OPCML: variants seen among roughly 807,000 people sequenced by gnomAD.
OPCML encodes opioid-binding protein/cell adhesion molecule.
OPCML carries 13 observed loss-of-function variants against 37.8 expected under a neutral mutation model. That is an observed-to-expected ratio of 0.34 (90% CI 0.22 to 0.55). The LOEUF (loss-of-function observed/expected upper bound fraction) is 0.55, where lower values mean the gene tolerates loss of function less well. Among genes scored for constraint, OPCML ranks in the 20% least tolerant of loss-of-function variants. OPCML has a pLI of 0.91. For synonymous variants in OPCML, 176 were observed against 168.8 expected (o/e 1.04, Z -0.33); for missense variants, 341 against 435.6 (o/e 0.78, Z 1.93).
At chr11:132,489,034 A>G (rs768629663) in intron 4 of OPCML, among the ~76,000 whole-genome samples, 1 of 152,238 alleles carries the variant, frequency 6.6e-6, no homozygotes, top group African/African-American at 2.4e-5. Flanking sequence ...ACTTTTTTGT[A>G]AGAATATTTA....
intron 2 of OPCML, among the ~76,000 whole-genome samples, chr11:132,756,512 C>A (rs1946053264): frequency 6.6e-6 from 1 of 152,184 alleles, no homozygotes; most frequent in Non-Finnish European, 1.5e-5. Context: ...ACTGTGTTAA[C>A]ATTTAGCACT....
At chr11:133,289,679 G>A (rs1035793689) in intron 1 of OPCML, among the ~76,000 whole-genome samples, 3 of 151,952 alleles carry the variant, frequency 2.0e-5, no homozygotes, top group Non-Finnish European at 4.4e-5. Context: ...GGCTAGTTTC[G>A]TTGTTCTTTA....
At chr11:132,420,494 C>T (rs1253422487) in intron 7 of OPCML, 1 of 606,114 alleles carries the variant, frequency 1.6e-6, no homozygotes, top group Non-Finnish European at 2.1e-6. Context: ...ACCAATGCAG[C>T]CTGCTCTGAA....
chr11:133,266,469 C>A (rs1469084352), intron 1 of OPCML, among the ~76,000 whole-genome samples: 1 of 152,190 alleles, frequency 6.6e-6, no homozygotes, highest in Admixed American at 6.5e-5. Flanking sequence ...TTCCAGAATA[C>A]ACACTGTTCT....
chr11:132,516,121 G>A (rs150401791), intron 4 of OPCML, among the ~76,000 whole-genome samples: 1,609 of 152,274 alleles, frequency 0.011, 33 homozygotes, highest in African/African-American at 0.037. Context: ...ACAGATCACC[G>A]TGTCTAGAAG....
chr11:132,727,920 G>A (rs1224068163), intron 2 of OPCML, among the ~76,000 whole-genome samples: 9 of 152,158 alleles, frequency 5.9e-5, no homozygotes. Flanking sequence ...CGCAGCTCTG[G>A]GCTTCCCCAG....
intron 2 of OPCML, among the ~76,000 whole-genome samples, chr11:132,705,607 TA>T (rs1944000677): frequency 6.6e-6 from 1 of 151,690 alleles, no homozygotes; most frequent in African/African-American, 2.4e-5. Flanking sequence ...AAATAAAAAG[TA>T]AAAATAAAAA....
intron 4 of OPCML, among the ~76,000 whole-genome samples, chr11:132,470,437 C>A (rs952977104): frequency 2.0e-5 from 3 of 152,092 alleles, no homozygotes; most frequent in African/African-American, 7.2e-5. Flanking sequence ...TGAATTAGGG[C>A]AGAAACTATG....
intron 1 of OPCML, among the ~76,000 whole-genome samples, chr11:133,160,318 A>G (rs1950124915): frequency 6.6e-6 from 1 of 152,188 alleles, no homozygotes; most frequent in Non-Finnish European, 1.5e-5. Flanking sequence ...ATAATTGAGC[A>G]CTTACTATGT....
At chr11:133,049,701 C>T (rs764898721) in intron 1 of OPCML, among the ~76,000 whole-genome samples, 16 of 152,170 alleles carry the variant, frequency 1.1e-4, no homozygotes, top group Non-Finnish European at 2.1e-4. Context: ...ATTTGTAACC[C>T]GTCACCGTGC....
chr11:132,548,010 T>C (rs1051755425), intron 3 of OPCML, among the ~76,000 whole-genome samples: 4 of 152,214 alleles, frequency 2.6e-5, no homozygotes, highest in Admixed American at 2.0e-4. Context: ...AAACTCATTA[T>C]AGTTAGACAC....
At position 133,347,539 on chromosome 11, in the gene OPCML, A is replaced by T. The variant is rs374735114; in HGVS notation, c.61+184725T>A. On this transcript the variant is annotated intron_variant, in intron 1 of 7. Coordinates refer to ENST00000524381, the MANE Select transcript of OPCML (RefSeq NM_001012393.5). ...GAAGTGTTTTTTTTCTCCTGTATCC[A>T]ATATGGAATTTACTATCCACTGAGA... is the stretch of plus-strand genomic sequence containing the variant. Among the ~76,000 whole-genome samples, 9 of 152,326 alleles carry T rather than the reference A, an allele frequency of 5.9e-5. No individual in the cohort carries two copies. The East Asian group carries it at 1.7e-3, about 29-fold the overall frequency.
At chr11:132,874,232 A>T (rs1422084255) in intron 2 of OPCML, among the ~76,000 whole-genome samples, 3 of 152,186 alleles carry the variant, frequency 2.0e-5, no homozygotes, top group Admixed American at 2.0e-4. Flanking sequence ...TATTATTTTC[A>T]GTGATAAACT....
intron 1 of OPCML, chr11:133,118,279 G>T (rs1331038074): frequency 1.0e-6 from 1 of 985,286 alleles, no homozygotes; most frequent in Non-Finnish European, 1.2e-6. Context: ...CATCATATGA[G>T]CTGTAGGGAG....
chr11:132,745,580 A>AAAAAAAAAAAAAAAAAAAAG (rs1555183231), intron 2 of OPCML, among the ~76,000 whole-genome samples: 1 of 87,554 alleles, frequency 1.1e-5, no homozygotes, highest in African/African-American at 4.5e-5. Flanking sequence ...AAAAAAAAAA[A>AAAAAAAAAAAAAAAAAAAAG]AAAGAAAGAA....
At chr11:132,606,617 A>G (rs937582849) in intron 3 of OPCML, among the ~76,000 whole-genome samples, 7 of 152,178 alleles carry the variant, frequency 4.6e-5, no homozygotes, top group African/African-American at 1.7e-4. Context: ...TGCAAGGATC[A>G]TCCTGCAAGG....
intron 1 of OPCML, among the ~76,000 whole-genome samples, chr11:133,131,776 A>G (rs1949608118): frequency 1.3e-5 from 2 of 152,236 alleles, no homozygotes; most frequent in South Asian, 4.1e-4. Flanking sequence ...TGAACCTCAC[A>G]GAGCCCAGAT....
intron 1 of OPCML, among the ~76,000 whole-genome samples, chr11:133,259,385 G>A (rs1393577343): frequency 6.6e-6 from 1 of 152,106 alleles, no homozygotes; most frequent in African/African-American, 2.4e-5. Flanking sequence ...TTTGCTGAAG[G>A]CCACAGTTTG....
chr11:132,930,374 AAAAAAT>A (rs1407352652), intron 2 of OPCML, among the ~76,000 whole-genome samples: 2 of 152,124 alleles, frequency 1.3e-5, no homozygotes, highest in East Asian at 1.9e-4. Context: ...ACCCTGTCTC[AAAAAAT>A]AAAAATAAAG....
Sources: allele counts gnomAD v4.1 joint callset (sites outside exome capture counted in the v4.1 genomes callset), GRCh38; gene constraint gnomAD v4.1.1; transcripts MANE v1.5; gene names NCBI Gene and HGNC (gene_info 2026-07-23, HGNC 2026-07-21).